DLGAP1: variants seen among roughly 807,000 people sequenced by gnomAD.
The protein encoded by DLGAP1 is DLG associated protein 1.
Under a neutral mutation model 90.8 loss-of-function variants are expected in DLGAP1, and 11 were observed. That is an observed-to-expected ratio of 0.12 (90% CI 0.08 to 0.20). The LOEUF (loss-of-function observed/expected upper bound fraction) is 0.20. Among genes scored for constraint, DLGAP1 ranks in the 10% least tolerant of loss-of-function variants. The pLI is 1.00. For missense variants in DLGAP1, 1,050 were observed against 1,333.8 expected, an observed-to-expected ratio of 0.79 and a Z score of 3.31; for synonymous variants, 558 against 540.7, an observed-to-expected ratio of 1.03 and a Z score of -0.44.
intron 2 of DLGAP1, among the ~76,000 whole-genome samples, chr18:4,011,505 G>C (rs1426421983): frequency 6.6e-6 from 1 of 151,868 alleles, no homozygotes; most frequent in African/African-American, 2.4e-5. Flanking sequence ...AGAATGTGGC[G>C]GTGGAGAGGG....
chr18:3,975,164 A>G (rs1403145648), intron 3 of DLGAP1, among the ~76,000 whole-genome samples: 1 of 152,118 alleles, frequency 6.6e-6, no homozygotes, highest in African/African-American at 2.4e-5. Context: ...GAAAGTAAGG[A>G]TGGTTACTTT....
At chr18:3,780,150 A>G (rs1308253967) in intron 5 of DLGAP1, among the ~76,000 whole-genome samples, 5 of 152,206 alleles carry the variant, frequency 3.3e-5, no homozygotes, top group Admixed American at 6.5e-5. Flanking sequence ...AAATATAGAC[A>G]TGCTCATATG....
intron 4 of DLGAP1, among the ~76,000 whole-genome samples, chr18:3,819,137 C>T (rs1238481145): frequency 3.3e-5 from 5 of 151,746 alleles, no homozygotes; most frequent in Non-Finnish European, 4.4e-5. Context: ...TATAAAACCC[C>T]GTCTCTACTA....
At chr18:3,853,123 G>GTAAATTTTAAACTAAAATTT (rs1397679609) in intron 4 of DLGAP1, among the ~76,000 whole-genome samples, 2 of 151,992 alleles carry the variant, frequency 1.3e-5, no homozygotes, top group African/African-American at 4.8e-5. Flanking sequence ...CTTTTTCTGA[G>GTAAATTTTAAACTAAAATTT]TAAATTTTAA....
At chr18:4,076,081 T>C (rs912492708) in intron 2 of DLGAP1, among the ~76,000 whole-genome samples, 11 of 152,170 alleles carry the variant, frequency 7.2e-5, no homozygotes, top group Admixed American at 2.0e-4. Context: ...CTCATTGAAG[T>C]GAGGCCACAC....
chr18:3,845,289 T>A, intron 4 of DLGAP1: 1 of 1,612,636 alleles, frequency 6.2e-7, no homozygotes, highest in Non-Finnish European at 8.5e-7. Flanking sequence ...TCATTATTCA[T>A]CTCAGCTTTG....
intron 5 of DLGAP1, among the ~76,000 whole-genome samples, chr18:3,798,620 A>G (rs1301167890): frequency 6.6e-6 from 1 of 152,062 alleles, no homozygotes; most frequent in African/African-American, 2.4e-5. Context: ...ATCTGTTTCT[A>G]TGGTTTTATC....
chr18:4,216,635 C>G (rs1433953002), intron 1 of DLGAP1, among the ~76,000 whole-genome samples: 2 of 152,094 alleles, frequency 1.3e-5, no homozygotes, highest in African/African-American at 4.8e-5. Context: ...ATTATTAAGA[C>G]AAGCACAGAA....
At chr18:4,330,882 T>A (rs1164350045) in intron 1 of DLGAP1, among the ~76,000 whole-genome samples, 2 of 151,860 alleles carry the variant, frequency 1.3e-5, no homozygotes, top group Non-Finnish European at 2.9e-5. Flanking sequence ...TCAAGTCTTC[T>A]ATACTCTTTC....
At chr18:3,810,802 TATTA>T (rs758005116) in intron 5 of DLGAP1, among the ~76,000 whole-genome samples, 3 of 152,104 alleles carry the variant, frequency 2.0e-5, no homozygotes, top group African/African-American at 4.8e-5. Context: ...CTGGTTAAAC[TATTA>T]ATTAATTAAT....
At chr18:3,971,342 AT>A (rs915307771) in intron 3 of DLGAP1, among the ~76,000 whole-genome samples, 5 of 152,054 alleles carry the variant, frequency 3.3e-5, no homozygotes, top group Admixed American at 3.3e-4. Flanking sequence ...GTGGCTTAAC[AT>A]TTTTTTTGAC....
chr18:3,802,551 G>T (rs1406497513), intron 5 of DLGAP1, among the ~76,000 whole-genome samples: 1 of 152,030 alleles, frequency 6.6e-6, no homozygotes, highest in Non-Finnish European at 1.5e-5. Context: ...ATTCCAAATC[G>T]AATCCTTTCT....
intron 2 of DLGAP1, among the ~76,000 whole-genome samples, chr18:4,045,432 C>CAAAAAAACAAAA (rs2075036053): frequency 3.4e-5 from 1 of 29,190 alleles, no homozygotes; most frequent in Admixed American, 8.2e-4. Context: ...CCCATCTCTA[C>CAAAAAAACAAAA]AAAAAAAAAA....
chr18:3,750,359 C>T (rs2063449357), intron 5 of DLGAP1, among the ~76,000 whole-genome samples: 7 of 152,088 alleles, frequency 4.6e-5, no homozygotes. Context: ...TTTCTTTATC[C>T]AGCCCACTGC....
intron 8 of DLGAP1, chr18:3,580,075 A>T: frequency 1.3e-6 from 1 of 753,188 alleles, no homozygotes; most frequent in South Asian, 1.7e-5. Context: ...GATTGTGTTC[A>T]TGTTCTTTGA....
intron 5 of DLGAP1, among the ~76,000 whole-genome samples, chr18:3,800,721 T>C (rs1243081227): frequency 6.6e-6 from 1 of 152,136 alleles, no homozygotes; most frequent in Admixed American, 6.5e-5. Flanking sequence ...TTATGAGTAT[T>C]ATATTTTGTA....
intron 1 of DLGAP1, among the ~76,000 whole-genome samples, chr18:4,306,956 A>G (rs1307163414): frequency 1.3e-5 from 2 of 152,236 alleles, no homozygotes; most frequent in South Asian, 2.1e-4. Context: ...CCTTCTCAAT[A>G]GCACGTTAAT....
At chr18:4,268,815 T>C (rs951191168) in intron 1 of DLGAP1, among the ~76,000 whole-genome samples, 2 of 152,136 alleles carry the variant, frequency 1.3e-5, no homozygotes, top group Non-Finnish European at 2.9e-5. Flanking sequence ...ACCAATGGAC[T>C]AAAATCAATG....
At chr18:4,033,196 T>C (rs1429773838) in intron 2 of DLGAP1, among the ~76,000 whole-genome samples, 1 of 152,154 alleles carries the variant, frequency 6.6e-6, no homozygotes, top group African/African-American at 2.4e-5. Flanking sequence ...TAATTTCATA[T>C]GATATGATGT....
Sources: gnomAD v4.1 joint callset for allele counts (sites outside exome capture counted in the v4.1 genomes callset) on GRCh38, gnomAD v4.1.1 for gene constraint, MANE v1.5 for transcripts, NCBI Gene and HGNC (gene_info 2026-07-23, HGNC 2026-07-21) for gene names.